Variants in PDLIM4 observed in about 807,000 individuals in gnomAD.
PDLIM4 encodes the protein PDZ and LIM domain protein 4.
A neutral mutation model predicts 31.3 loss-of-function variants in PDLIM4; 19 were observed. That is an observed-to-expected ratio of 0.61 (90% CI 0.42 to 0.89). PDLIM4 has a LOEUF of 0.89. Among genes scored for constraint, PDLIM4 ranks in the 40% least tolerant of loss-of-function variants. The probability of loss-of-function intolerance (pLI) is 0.00; values close to 1 mark genes in which losing one functional copy is unlikely to be tolerated. For synonymous variants in PDLIM4, 176 were observed against 190.1 expected, an observed-to-expected ratio of 0.93 and a Z score of 0.61; for missense variants, 442 against 461.1, an observed-to-expected ratio of 0.96 and a Z score of 0.38.
chr5:132,267,531 A>G (rs1756517458), intron 3 of PDLIM4, among the ~76,000 whole-genome samples: 1 of 152,228 alleles, frequency 6.6e-6, no homozygotes, highest in South Asian at 2.1e-4. Context: ...AAAGGAGCCC[A>G]GAGTAGTCAC....
intron 2 of PDLIM4, among the ~76,000 whole-genome samples, chr5:132,264,644 G>A (rs986128104): frequency 6.6e-6 from 1 of 151,968 alleles, no homozygotes; most frequent in African/African-American, 2.4e-5. Context: ...TTGACTTTCT[G>A]AGCCAACATT....
chr5:132,259,137 C>CTGTGTGTGTGTGTG (rs70974028), intron 1 of PDLIM4, among the ~76,000 whole-genome samples: 8,700 of 146,010 alleles, frequency 0.06, 298 homozygotes, highest in Admixed American at 0.075. Flanking sequence ...AGGATTCCTG[C>CTGTGTGTGTGTGTG]TGTGTGTGTG....
At chr5:132,271,706 C>T (rs1380894239) in intron 5 of PDLIM4, 85 bp from the exon 6 acceptor site, 4 of 1,094,742 alleles carry the variant, frequency 3.7e-6, no homozygotes, top group South Asian at 2.5e-5. Context: ...TGCCGATGGC[C>T]CGTCTGGCGC....
rs1483543909 is a variant in PDLIM4 at position 132,272,076 on chromosome 5, G to A, written c.840G>A (p.Met280Ile). Residue 280 changes from methionine (M) to isoleucine (I), a missense_variant, in exon 7 of 7, where the codon ATG (methionine) becomes ATA (isoleucine). Met to Ile is a conservative substitution (Grantham distance 10, BLOSUM62 1). Coordinates refer to ENST00000253754, the MANE Select transcript of PDLIM4 (RefSeq NM_003687.4). ...RDKLYHPECFMCSDCGLNLKQ... is the reference protein window; with the variant it reads ...RDKLYHPECFICSDCGLNLKQ... ...AGCTCTACCATCCCGAGTGCTTCAT[G>A]TGCAGTGACTGCGGCCTGAACCTCA... is the stretch of plus-strand genomic sequence containing the variant. The A allele has an allele frequency of 6.2e-7, 1 of 1,614,238 alleles. No homozygotes were observed.
chr5:132,265,170 C>G (rs1404663497), intron 2 of PDLIM4, among the ~76,000 whole-genome samples: 1 of 152,194 alleles, frequency 6.6e-6, no homozygotes, highest in African/African-American at 2.4e-5. Context: ...AAGAGCCCAG[C>G]CTGGGATGGG....
Position 132,272,360 on chromosome 5 carries a change from C to CAGGAGGGTG in PDLIM4, c.*131_*132insAGGAGGGTG. The CAGGAGGGTG allele has an allele frequency of 1.3e-6, 1 of 741,354 alleles. No homozygotes were observed. Among genetic ancestry groups the CAGGAGGGTG allele is most frequent in the Non-Finnish European group, 2.3e-6 (1 of 432,084 alleles). The allele number at this position is 741,354 out of a possible 1,614,324, so 45.9% of individuals were successfully genotyped here. A position where few individuals can be genotyped will look rare whatever the true frequency, so the allele number is the denominator to read the frequency against. On this transcript the variant is annotated 3_prime_UTR_variant, in exon 7 of 7. Coordinates refer to ENST00000253754, the MANE Select transcript of PDLIM4 (RefSeq NM_003687.4). ...TGTCACCTGGCCTGCCACCCTCCTG[C>CAGGAGGGTG]GCAGGCCATGCATGGCTCCCGAGTA... is the stretch of plus-strand genomic sequence containing the variant.
rs745509763 is a variant in PDLIM4, at chr5:132,271,517, C to T, written c.670+51C>T. ...TCTGCCTTCCCACTCCCTGCAGTGC[C>T]CAGGTTGCCCCCTAGCGACCCCACG... On this transcript the variant is annotated intron_variant, in intron 5 of 6. Coordinates refer to ENST00000253754, the MANE Select transcript of PDLIM4 (RefSeq NM_003687.4). The T allele has an allele frequency of 8.2e-6, 13 of 1,580,762 alleles. No homozygotes were observed. In the South Asian group the frequency reaches 1.4e-4, roughly 17 times the overall value.
At chr5:132,268,705 C>T (rs74804424) in intron 3 of PDLIM4, among the ~76,000 whole-genome samples, 1,672 of 152,298 alleles carry the variant, frequency 0.011, 30 homozygotes, top group African/African-American at 0.038. Flanking sequence ...CACACTCAGC[C>T]TGTCCTCCCC....
chr5:132,271,806 C>T lies in PDLIM4; in HGVS notation c.686C>T (p.Pro229Leu), dbSNP rs1756627002. Residue 229 changes from proline (P) to leucine (L), a missense_variant, in exon 6 of 7, where the codon CCT becomes CTT. Transcript: ENST00000253754. Reference sequence around the variant, plus strand: ...CGGGTTTCAGGGGATTGGCCCGGGCCTGGCGGCCCCCGGAACCTCAAGCCC... The same window carrying T: ...CGGGTTTCAGGGGATTGGCCCGGGCTTGGCGGCCCCCGGAACCTCAAGCCC... ...EAGEGGDWPG[P>L]GGPRNLKPTA... is the part of the protein sequence containing the mutation. 1.9e-6 allele frequency: 3 copies of T among 1,611,804 alleles called. No homozygotes were observed. Among genetic ancestry groups the T allele is most frequent in the Non-Finnish European group, 8.5e-7 (1 of 1,178,406 alleles).
intron 1 of PDLIM4, chr5:132,261,665 CCTT>C (rs1359624122): frequency 1.3e-5 from 2 of 152,278 alleles, no homozygotes; most frequent in African/African-American, 4.8e-5. Flanking sequence ...CCCATTCTAG[CCTT>C]CTTCAGTTGA....
chr5:132,268,989 T>C (rs1221469137), intron 3 of PDLIM4, among the ~76,000 whole-genome samples: 1 of 152,196 alleles, frequency 6.6e-6, no homozygotes, highest in Non-Finnish European at 1.5e-5. Context: ...AAGTATGTGC[T>C]TTATGCCAGG....
chr5:132,258,457 G>A (rs2126668589), intron 1 of PDLIM4, among the ~76,000 whole-genome samples: 1 of 152,362 alleles, frequency 6.6e-6, no homozygotes, highest in South Asian at 2.1e-4. Context: ...CACAAAGCCG[G>A]GGGCCAGGAC....
Position 132,257,894 on chromosome 5 carries a change from C to A in PDLIM4, c.93+67C>A. On this transcript the variant is annotated intron_variant, in intron 1 of 6. Transcript: ENST00000253754. The surrounding 1 kb of genome is among the most constrained non-coding windows in gnomAD (Gnocchi z 4.3). ...TGAGACCGGGTTCTCGCGGTCCGCC[C>A]GGGACCCAGATCCCCTGTGTATCCG... The A allele has an allele frequency of 1.1e-6, 1 of 918,876 alleles. No individual in the cohort carries two copies. 56.9% of individuals were successfully genotyped at this position (918,876 alleles called of 1,614,324 possible). A position where few individuals can be genotyped will look rare whatever the true frequency, so the allele number is the denominator to read the frequency against.
chr5:132,265,544 A>G (rs570023827), intron 2 of PDLIM4, among the ~76,000 whole-genome samples: 1 of 152,338 alleles, frequency 6.6e-6, no homozygotes, highest in African/African-American at 2.4e-5. Context: ...GAGGCGAGGA[A>G]GTGCAGAGTG....
At position 132,271,473 on chromosome 5, in the gene PDLIM4, C is replaced by T. The variant is rs377147163; in HGVS notation, c.670+7C>T. 13 of 1,607,154 alleles carry T rather than the reference C, an allele frequency of 8.1e-6. No homozygotes were observed. Among genetic ancestry groups the T allele is most frequent in the South Asian group, 6.6e-5 (6 of 91,078 alleles). ...CTAGAGGCCGGCGAGGGCGGTAAGACGCCTGCCACCTGTCCCCATCTGCCT... is the reference window on the plus strand; with the variant it reads ...CTAGAGGCCGGCGAGGGCGGTAAGATGCCTGCCACCTGTCCCCATCTGCCT... On this transcript the variant is annotated splice_region_variant and intron_variant, in intron 5 of 6. Transcript: ENST00000253754.
intron 3 of PDLIM4, among the ~76,000 whole-genome samples, chr5:132,267,378 A>G (rs757087209): frequency 6.6e-6 from 1 of 152,210 alleles, no homozygotes; most frequent in Admixed American, 6.5e-5. Flanking sequence ...CTCCCTCACT[A>G]TCTACCCCAA....
Position 132,272,240 on chromosome 5 carries a change from T to C in PDLIM4, c.*11T>C. The C allele has an allele frequency of 6.2e-7, 1 of 1,600,550 alleles. No homozygotes were observed. Among genetic ancestry groups the C allele is most frequent in the South Asian group, 1.1e-5 (1 of 90,778 alleles). ...GTGGAACTCGTCTGAGCTGGGACCC[T>C]GCTCCCACGCCTGCTTCTTAAGGTC... On this transcript the variant is annotated 3_prime_UTR_variant, in exon 7 of 7. Coordinates refer to ENST00000253754, the MANE Select transcript of PDLIM4 (RefSeq NM_003687.4).
Position 132,271,146 on chromosome 5 carries a change from T to G in PDLIM4, c.506+53T>G, listed in dbSNP as rs1278747837. ...GCCCAGAACCCATCTTAACCCTTGA[T>G]CCCTCAAATCTCACCCAGTCCCACT... On this transcript the variant is annotated intron_variant, in intron 4 of 6. Transcript: ENST00000253754. The G allele has an allele frequency of 3.8e-6, 6 of 1,561,576 alleles. No individual in the cohort carries two copies. In the African/African-American group the frequency reaches 8.1e-5, roughly 21 times the overall value.
Position 132,271,965 on chromosome 5 carries a change from C to T in PDLIM4, c.788+57C>T, listed in dbSNP as rs1580805141. The T allele has an allele frequency of 1.1e-5, 18 of 1,585,890 alleles. No homozygotes were observed. The East Asian group carries it at 2.5e-4, about 22-fold the overall frequency. On this transcript the variant is annotated intron_variant, in intron 6 of 6. Coordinates refer to ENST00000253754, the MANE Select transcript of PDLIM4 (RefSeq NM_003687.4). ...CCCTAGCCTTCCAGGGCCCTGGATG[C>T]GGGCGCAGTCGTGAACCCATCAGTC...
Sources: allele counts gnomAD v4.1 joint callset (sites outside exome capture counted in the v4.1 genomes callset), GRCh38; gene constraint gnomAD v4.1.1; non-coding constraint Gnocchi (gnomAD v3.1); transcripts MANE v1.5; gene names NCBI Gene and HGNC (gene_info 2026-07-23, HGNC 2026-07-21).